PRKG1: variants seen among roughly 807,000 people sequenced by gnomAD.
PRKG1 encodes cGMP-dependent protein kinase 1.
Under a neutral mutation model 88.1 loss-of-function variants are expected in PRKG1, and 35 were observed. The ratio of observed to expected loss-of-function variants is 0.40; its 90% CI spans 0.30 to 0.53. PRKG1 has a LOEUF of 0.53. Ranked by LOEUF, PRKG1 falls within the 20% of genes least tolerant of loss-of-function variation. The probability of loss-of-function intolerance (pLI) is 0.59; values close to 1 mark genes in which losing one functional copy is unlikely to be tolerated. For missense variants in PRKG1, 540 were observed against 839.8 expected (o/e 0.64, Z 4.41); for synonymous variants, 303 against 292.5 (o/e 1.04, Z -0.37).
intron 1 of PRKG1, among the ~76,000 whole-genome samples, chr10:51,031,590 G>T (rs1266160787): frequency 1.3e-5 from 2 of 152,168 alleles, no homozygotes; most frequent in Non-Finnish European, 2.9e-5. Context: ...CAAGCATATT[G>T]CTCTTTACTG....
At chr10:51,503,379 A>G (rs954830778) in intron 3 of PRKG1, among the ~76,000 whole-genome samples, 1 of 152,024 alleles carries the variant, frequency 6.6e-6, no homozygotes, top group Non-Finnish European at 1.5e-5. Flanking sequence ...CTAGGTGACA[A>G]CTCTTCAAAG....
intron 1 of PRKG1, among the ~76,000 whole-genome samples, chr10:51,067,231 C>A (rs968418346): frequency 6.7e-6 from 1 of 148,472 alleles, no homozygotes; most frequent in African/African-American, 2.5e-5. Flanking sequence ...TGCTGTCGCT[C>A]CTTTAATTAT....
At chr10:52,028,532 G>C (rs1845400678) in intron 5 of PRKG1, among the ~76,000 whole-genome samples, 1 of 152,128 alleles carries the variant, frequency 6.6e-6, no homozygotes, top group African/African-American at 2.4e-5. Context: ...TAAGTTCTGG[G>C]AAGGAAGGAA....
At chr10:51,222,122 G>T (rs1193304114) in intron 2 of PRKG1, among the ~76,000 whole-genome samples, 4 of 114,414 alleles carry the variant, frequency 3.5e-5, no homozygotes, top group African/African-American at 1.5e-4. Context: ...CGTGATCCGC[G>T]CCCCCCCCCG....
chr10:51,296,751 G>A (rs76177220), intron 2 of PRKG1, among the ~76,000 whole-genome samples: 10,825 of 151,846 alleles, frequency 0.071, 1,259 homozygotes, highest in African/African-American at 0.24. Flanking sequence ...GTTCCTTGAG[G>A]TGTAAAGTCA....
intron 4 of PRKG1, among the ~76,000 whole-genome samples, chr10:51,889,524 G>A (rs1841663757): frequency 6.6e-6 from 1 of 152,026 alleles, no homozygotes; most frequent in Non-Finnish European, 1.5e-5. Context: ...ACATACATGT[G>A]CATGTGTCTT....
intron 2 of PRKG1, among the ~76,000 whole-genome samples, chr10:51,460,767 T>C (rs888507080): frequency 6.6e-6 from 1 of 152,194 alleles, no homozygotes; most frequent in Non-Finnish European, 1.5e-5. Flanking sequence ...ATAGGTTTAG[T>C]ATGTTCTCTT....
chr10:51,153,023 C>A, intron 1 of PRKG1, 141 bp from the exon 2 acceptor site: 3 of 377,376 alleles, frequency 7.9e-6, no homozygotes, highest in Non-Finnish European at 1.3e-5. Context: ...ACTTTGTTCT[C>A]CAGTCTTCCA....
At chr10:51,723,891 T>C (rs765824439) in intron 3 of PRKG1, among the ~76,000 whole-genome samples, 4 of 152,232 alleles carry the variant, frequency 2.6e-5, no homozygotes, top group Non-Finnish European at 4.4e-5. Flanking sequence ...TTGTCTTTAT[T>C]TGGAAACTAA....
At chr10:51,219,596 G>C (rs891578771) in intron 2 of PRKG1, among the ~76,000 whole-genome samples, 4 of 151,830 alleles carry the variant, frequency 2.6e-5, no homozygotes, top group Non-Finnish European at 5.9e-5. Flanking sequence ...TGTAATCCCA[G>C]CTACTCAGGA....
chr10:51,094,510 A>G (rs1844481837), intron 1 of PRKG1, among the ~76,000 whole-genome samples: 1 of 152,090 alleles, frequency 6.6e-6, no homozygotes, highest in Non-Finnish European at 1.5e-5. Flanking sequence ...TCTTACCTGA[A>G]ACCTTTGGAT....
At chr10:52,282,095 A>C (rs1842014571) in intron 13 of PRKG1, 58 bp from the exon 14 acceptor site, 1 of 1,421,136 alleles carries the variant, frequency 7.0e-7, no homozygotes. Flanking sequence ...AAAATAACTT[A>C]TTACTTTAAA....
intron 2 of PRKG1, among the ~76,000 whole-genome samples, chr10:51,400,920 T>A (rs959640699): frequency 3.9e-5 from 6 of 152,232 alleles, no homozygotes; most frequent in Non-Finnish European, 8.8e-5. Flanking sequence ...AGATGGTCAA[T>A]GGACCAATGA....
At chr10:52,005,046 T>A (rs1477023395) in intron 5 of PRKG1, among the ~76,000 whole-genome samples, 2 of 152,108 alleles carry the variant, frequency 1.3e-5, no homozygotes, top group East Asian at 1.9e-4. Flanking sequence ...ACAAAATATA[T>A]TTTCTTCCTT....
intron 3 of PRKG1, among the ~76,000 whole-genome samples, chr10:51,758,649 A>G (rs1400249963): frequency 6.6e-6 from 1 of 151,940 alleles, no homozygotes; most frequent in Non-Finnish European, 1.5e-5. Flanking sequence ...CCTCATTAGC[A>G]TCTTAAATCT....
At chr10:52,075,329 A>G (rs1378882182) in intron 7 of PRKG1, among the ~76,000 whole-genome samples, 1 of 152,256 alleles carries the variant, frequency 6.6e-6, no homozygotes, top group Non-Finnish European at 1.5e-5. Flanking sequence ...AGATGGATCT[A>G]TACGCTCACC....
chr10:51,999,748 A>T lies in PRKG1; in HGVS notation c.763-54736A>T, dbSNP rs1844545730. On this transcript the variant is annotated intron_variant, in intron 5 of 17. Coordinates refer to ENST00000373980, the MANE Select transcript of PRKG1 (RefSeq NM_006258.4). The stretch of plus-strand genomic sequence containing the variant: ...TTTGATAATTTAAAGAATTAAATTT[A>T]TAAAAATTCAGGTACAGATGTATTT... Among the ~76,000 whole-genome samples the T allele has an allele frequency of 2.0e-5, 3 of 152,132 alleles. No homozygotes were observed. In the South Asian group the frequency reaches 6.2e-4, roughly 31 times the overall value.
In PRKG1 at chr10:51,260,350, T is replaced by C. The variant is rs73337566; in HGVS notation, c.478+107020T>C. On this transcript the variant is annotated intron_variant, in intron 2 of 17. Coordinates refer to ENST00000373980, the MANE Select transcript of PRKG1 (RefSeq NM_006258.4). ...AAGGGGTTTGTAAAACATTTTTATA[T>C]ACATTTTTTATTTTTTCTGACGATT... 6.2e-3 allele frequency among the ~76,000 whole-genome samples: 946 copies of C among 152,342 alleles called. 17 individuals are homozygous for C. The highest frequency in any genetic ancestry group is 0.022 in the African/African-American group (902 of 41,562).
At chr10:51,153,500 T>G (rs1460627581) in intron 2 of PRKG1, among the ~76,000 whole-genome samples, 170 bp downstream of exon 2, 1 of 152,022 alleles carries the variant, frequency 6.6e-6, no homozygotes, top group Non-Finnish European at 1.5e-5. Context: ...TAACTAATTA[T>G]GGGAAGTGTT....
Sources: gnomAD v4.1 joint callset for allele counts (sites outside exome capture counted in the v4.1 genomes callset) on GRCh38, gnomAD v4.1.1 for gene constraint, MANE v1.5 for transcripts, NCBI Gene and HGNC (gene_info 2026-07-23, HGNC 2026-07-21) for gene names.